Variants in CACNA2D3 observed in about 807,000 individuals in gnomAD.
CACNA2D3 encodes voltage-dependent calcium channel subunit alpha-2/delta-3.
A neutral mutation model predicts 160.6 loss-of-function variants in CACNA2D3; 60 were observed. That is an observed-to-expected ratio of 0.37 (90% confidence interval 0.30 to 0.46). CACNA2D3 has a LOEUF of 0.46. Ranked by LOEUF, CACNA2D3 falls within the 20% of genes least tolerant of loss-of-function variation. CACNA2D3 has a pLI of 1.00. For missense variants in CACNA2D3, 1,205 were observed against 1,365.0 expected (o/e 0.88, Z 1.85); for synonymous variants, 558 against 492.9 (o/e 1.13, Z -1.75).
At chr3:54,354,764 G>A (rs1698620820) in intron 3 of CACNA2D3, among the ~76,000 whole-genome samples, 1 of 152,218 alleles carries the variant, frequency 6.6e-6, no homozygotes, top group Non-Finnish European at 1.5e-5. Flanking sequence ...TGGTTCTCAT[G>A]TGTCTCTCCC....
chr3:54,197,675 G>C (rs768139699), intron 2 of CACNA2D3, among the ~76,000 whole-genome samples: 2 of 152,106 alleles, frequency 1.3e-5, no homozygotes, highest in African/African-American at 2.4e-5. Context: ...TAGGAACTTG[G>C]CACCTTTTGG....
intron 3 of CACNA2D3, among the ~76,000 whole-genome samples, chr3:54,342,430 T>C (rs1231598233): frequency 1.3e-5 from 2 of 152,138 alleles, no homozygotes; most frequent in Middle Eastern, 3.4e-3. Context: ...ATGGTGGAGA[T>C]TGATGTTGTT....
chr3:54,517,618 CGT>C (rs1701574109), intron 5 of CACNA2D3, among the ~76,000 whole-genome samples: 1 of 152,154 alleles, frequency 6.6e-6, no homozygotes, highest in Admixed American at 6.5e-5. Flanking sequence ...TACAATATAA[CGT>C]GGTTTACTGA....
chr3:54,868,362 C>A (rs577658091), intron 17 of CACNA2D3, among the ~76,000 whole-genome samples: 2 of 152,254 alleles, frequency 1.3e-5, no homozygotes, highest in East Asian at 3.9e-4. Flanking sequence ...TCCCTACCCC[C>A]GATCTGTATC....
chr3:54,770,612 G>A (rs967387660), intron 13 of CACNA2D3, among the ~76,000 whole-genome samples: 4 of 152,088 alleles, frequency 2.6e-5, no homozygotes, highest in African/African-American at 4.8e-5. Flanking sequence ...TCAGTTAAGC[G>A]CCCTTGGCAA....
intron 27 of CACNA2D3, among the ~76,000 whole-genome samples, chr3:54,906,343 G>C (rs1026521663): frequency 6.6e-6 from 1 of 152,174 alleles, no homozygotes; most frequent in Non-Finnish European, 1.5e-5. Context: ...TGGCAAAGGG[G>C]AGAGGAAGTG....
At chr3:54,151,665 G>C (rs1384443005) in intron 2 of CACNA2D3, among the ~76,000 whole-genome samples, 2 of 152,172 alleles carry the variant, frequency 1.3e-5, no homozygotes, top group Admixed American at 6.5e-5. Flanking sequence ...AATGCTGAGA[G>C]AATGATGTGT....
In CACNA2D3 at chr3:54,124,086, G is replaced by A. The variant is rs147586528; in HGVS notation, c.204+492G>A. ...TTATTCCCCAATCATCTAGACCCAG[G>A]GCTAGGATGCATTACATCATTGCAG... On this transcript the variant is annotated intron_variant, in intron 2 of 37. Transcript: ENST00000474759. Among the ~76,000 whole-genome samples, 513 of 152,216 alleles carry A rather than the reference G, an allele frequency of 3.4e-3. 2 individuals carry two copies. Among genetic ancestry groups the A allele is most frequent in the Admixed American group, 6.6e-3 (101 of 15,298 alleles).
At chr3:54,702,169 C>T (rs1700779952) in intron 11 of CACNA2D3, among the ~76,000 whole-genome samples, 1 of 152,054 alleles carries the variant, frequency 6.6e-6, no homozygotes, top group Admixed American at 6.6e-5. Context: ...TAGAAGAAAA[C>T]CTAAGAAATA....
intron 11 of CACNA2D3, among the ~76,000 whole-genome samples, chr3:54,736,197 G>T (rs1701528371): frequency 6.8e-6 from 1 of 147,216 alleles, no homozygotes. Context: ...ACTGTATATG[G>T]GGCATTTTGT....
In CACNA2D3 at chr3:54,446,225, A is replaced by T. The variant is rs529304188; in HGVS notation, c.382-57267A>T. Among the ~76,000 whole-genome samples the T allele has an allele frequency of 9.2e-5, 14 of 152,300 alleles. No individual in the cohort carries two copies. In the East Asian group the frequency reaches 2.5e-3, roughly 27 times the overall value. On this transcript the variant is annotated intron_variant, in intron 4 of 37. Coordinates refer to ENST00000474759, the MANE Select transcript of CACNA2D3 (RefSeq NM_018398.3). ...AACGAATATGCTGTCTTTCTTTAAC[A>T]TCCATATGTGATAGAATCAGTGCCT...
At chr3:54,455,844 G>A (rs1229985695) in intron 4 of CACNA2D3, among the ~76,000 whole-genome samples, 1 of 152,074 alleles carries the variant, frequency 6.6e-6, no homozygotes, top group Middle Eastern at 3.2e-3. Context: ...CCTTTCGCTA[G>A]TGAATGTTGT....
intron 9 of CACNA2D3, among the ~76,000 whole-genome samples, chr3:54,584,310 C>T (rs1165591405): frequency 6.6e-6 from 1 of 152,058 alleles, no homozygotes; most frequent in Non-Finnish European, 1.5e-5. Flanking sequence ...ACAAATGAAA[C>T]AGTAGAAAAT....
intron 34 of CACNA2D3, among the ~76,000 whole-genome samples, chr3:55,013,867 C>T (rs963922263): frequency 2.0e-5 from 3 of 152,084 alleles, no homozygotes; most frequent in African/African-American, 4.8e-5. Flanking sequence ...TTACTGTGAA[C>T]CCAAGTCAGT....
intron 3 of CACNA2D3, among the ~76,000 whole-genome samples, chr3:54,334,973 T>A (rs576617269): frequency 9.9e-5 from 15 of 152,282 alleles, no homozygotes; most frequent in African/African-American, 3.4e-4. Context: ...AAGATGAGGG[T>A]TAGAATACCT....
chr3:54,302,494 C>T (rs778106017), intron 2 of CACNA2D3, among the ~76,000 whole-genome samples: 39 of 152,106 alleles, frequency 2.6e-4, no homozygotes, highest in Non-Finnish European at 4.7e-4. Context: ...ATGGAAAGAG[C>T]GCTTGGTGGA....
chr3:54,224,454 C>T (rs1258844643), intron 2 of CACNA2D3, among the ~76,000 whole-genome samples: 1 of 152,144 alleles, frequency 6.6e-6, no homozygotes, highest in East Asian at 1.9e-4. Context: ...TTTGTTTACA[C>T]CAGCTTGACC....
At chr3:54,491,584 G>A (rs1455203830) in intron 4 of CACNA2D3, among the ~76,000 whole-genome samples, 2 of 152,142 alleles carry the variant, frequency 1.3e-5, no homozygotes, top group Admixed American at 6.5e-5. Context: ...CTGAGATTAT[G>A]TGCTCTCACC....
At chr3:55,002,931 CT>C in intron 31 of CACNA2D3, among the ~76,000 whole-genome samples, 1 of 152,294 alleles carries the variant, frequency 6.6e-6, no homozygotes, top group East Asian at 1.9e-4. Flanking sequence ...CAGTTGACCA[CT>C]TTGTTCTCAT....
Sources: allele counts gnomAD v4.1 joint callset (sites outside exome capture counted in the v4.1 genomes callset), GRCh38; gene constraint gnomAD v4.1.1; transcripts MANE v1.5; gene names NCBI Gene and HGNC (gene_info 2026-07-23, HGNC 2026-07-21).